Variants in EPHA6 observed in about 807,000 individuals in gnomAD.
The protein encoded by EPHA6 is EPH receptor A6, also known as ephrin type-A receptor 6.
Under a neutral mutation model 112.0 loss-of-function variants are expected in EPHA6, and 50 were observed. The observed-to-expected ratio is 0.45, with a 90% confidence interval of 0.36 to 0.56. The LOEUF (loss-of-function observed/expected upper bound fraction) is 0.56. Among genes scored for constraint, EPHA6 ranks in the 20% least tolerant of loss-of-function variants. The pLI is 0.00. For missense variants in EPHA6, 1,280 were observed against 1,417.4 expected, an observed-to-expected ratio of 0.90 and a Z score of 1.56; for synonymous variants, 529 against 490.7, an observed-to-expected ratio of 1.08 and a Z score of -1.03.
At chr3:97,404,564 A>G (rs1577262291) in intron 5 of EPHA6, among the ~76,000 whole-genome samples, 1 of 152,180 alleles carries the variant, frequency 6.6e-6, no homozygotes, top group East Asian at 1.9e-4. Flanking sequence ...ATATATGGAA[A>G]AGTAAAATAG....
At chr3:97,272,855 G>T (rs925465756) in intron 5 of EPHA6, among the ~76,000 whole-genome samples, 67 of 152,126 alleles carry the variant, frequency 4.4e-4, no homozygotes, top group African/African-American at 1.6e-3. Flanking sequence ...TGGGCTCAGA[G>T]GTCTGACATT....
At chr3:96,978,266 T>G (rs1274250732) in intron 2 of EPHA6, among the ~76,000 whole-genome samples, 1 of 152,150 alleles carries the variant, frequency 6.6e-6, no homozygotes, top group Non-Finnish European at 1.5e-5. Context: ...TTATGTTGAG[T>G]AGGCTGAAGA....
intron 5 of EPHA6, among the ~76,000 whole-genome samples, chr3:97,372,872 C>T (rs1454970346): frequency 2.6e-5 from 4 of 151,998 alleles, no homozygotes; most frequent in South Asian, 2.1e-4. Flanking sequence ...GAATAAAAAA[C>T]GAGATAATTT....
intron 11 of EPHA6, among the ~76,000 whole-genome samples, chr3:97,550,992 TGTCA>T (rs2093021841): frequency 6.6e-6 from 1 of 152,216 alleles, no homozygotes; most frequent in Admixed American, 6.5e-5. Flanking sequence ...CACTTTCTAA[TGTCA>T]GTCACATTTA....
chr3:97,710,763 A>G (rs557204552), intron 14 of EPHA6, among the ~76,000 whole-genome samples: 1 of 152,192 alleles, frequency 6.6e-6, no homozygotes, highest in South Asian at 2.1e-4. Context: ...GTCTCTCTAC[A>G]TTGCATGCTG....
At chr3:97,356,408 A>G (rs946609494) in intron 5 of EPHA6, among the ~76,000 whole-genome samples, 1 of 152,174 alleles carries the variant, frequency 6.6e-6, no homozygotes, top group African/African-American at 2.4e-5. Flanking sequence ...CCTCACCCCC[A>G]TTCCATGGAA....
chr3:97,405,306 ACATATATATG>A (rs746722493), intron 6 of EPHA6, 32 bp downstream of exon 6: 1 of 1,567,378 alleles, frequency 6.4e-7, no homozygotes, highest in African/African-American at 1.4e-5. Context: ...CTATAAAACT[ACATATATATG>A]CATATATATG....
chr3:97,214,759 T>A (rs1333028541), intron 3 of EPHA6, among the ~76,000 whole-genome samples: 1 of 152,184 alleles, frequency 6.6e-6, no homozygotes, highest in Admixed American at 6.5e-5. Context: ...AGACTTGGAT[T>A]TGGTGAATTT....
intron 3 of EPHA6, among the ~76,000 whole-genome samples, chr3:97,036,346 A>G (rs1283874152): frequency 1.3e-5 from 2 of 152,086 alleles, no homozygotes; most frequent in African/African-American, 4.8e-5. Flanking sequence ...GCTTTCAAAG[A>G]TTTCAAAGAA....
chr3:97,079,973 A>C (rs1172518715), intron 3 of EPHA6, among the ~76,000 whole-genome samples: 1 of 151,506 alleles, frequency 6.6e-6, no homozygotes, highest in East Asian at 1.9e-4. Context: ...TTGCACATTT[A>C]ATAGAATGCA....
At chr3:97,619,828 G>C (rs1309498513) in intron 13 of EPHA6, among the ~76,000 whole-genome samples, 1 of 151,956 alleles carries the variant, frequency 6.6e-6, no homozygotes, top group Non-Finnish European at 1.5e-5. Flanking sequence ...TATTGTTAAA[G>C]TGGCCATACT....
intron 5 of EPHA6, among the ~76,000 whole-genome samples, chr3:97,309,013 TAAAAAC>T (rs1167681703): frequency 1.3e-5 from 2 of 151,774 alleles, no homozygotes; most frequent in Non-Finnish European, 2.9e-5. Flanking sequence ...ACAGGAGAAT[TAAAAAC>T]AAAACAACTG....
chr3:97,058,760 C>G (rs1000467230), intron 3 of EPHA6, among the ~76,000 whole-genome samples: 1 of 152,054 alleles, frequency 6.6e-6, no homozygotes, highest in Non-Finnish European at 1.5e-5. Context: ...TATAAAGATC[C>G]GTGAATCAAT....
intron 7 of EPHA6, among the ~76,000 whole-genome samples, chr3:97,468,353 CAGTAT>C (rs1459104580): frequency 6.6e-6 from 1 of 151,436 alleles, no homozygotes; most frequent in Admixed American, 6.6e-5. Flanking sequence ...AGAAAAATAT[CAGTAT>C]AATACTATGT....
At chr3:97,463,064 G>C (rs912637280) in intron 7 of EPHA6, among the ~76,000 whole-genome samples, 1 of 152,046 alleles carries the variant, frequency 6.6e-6, no homozygotes, top group Non-Finnish European at 1.5e-5. Flanking sequence ...TACAAGAATA[G>C]TCCAAATTTC....
chr3:97,420,445 A>T (rs2088524522), intron 6 of EPHA6, among the ~76,000 whole-genome samples: 1 of 152,152 alleles, frequency 6.6e-6, no homozygotes, highest in Non-Finnish European at 1.5e-5. Flanking sequence ...GTGAAAACTT[A>T]CACAAACTAG....
intron 5 of EPHA6, among the ~76,000 whole-genome samples, chr3:97,328,044 C>CATAT (rs2082558602): frequency 5.6e-5 from 3 of 53,530 alleles, no homozygotes; most frequent in African/African-American, 2.8e-4. Flanking sequence ...TATATACACA[C>CATAT]ATATATACAC....
intron 7 of EPHA6, among the ~76,000 whole-genome samples, chr3:97,467,385 G>T (rs763084091): frequency 2.4e-4 from 36 of 151,690 alleles, no homozygotes; most frequent in Admixed American, 4.6e-4. Context: ...GATCCCTAAT[G>T]ATTATCCATT....
At chr3:97,706,871 T>A (rs554265175) in intron 14 of EPHA6, among the ~76,000 whole-genome samples, 1 of 152,120 alleles carries the variant, frequency 6.6e-6, no homozygotes, top group African/African-American at 2.4e-5. Context: ...TATTTATTTA[T>A]TTATTTACAT....
Sources: gnomAD v4.1 joint callset for allele counts (sites outside exome capture counted in the v4.1 genomes callset) on GRCh38, gnomAD v4.1.1 for gene constraint, MANE v1.5 for transcripts, NCBI Gene and HGNC (gene_info 2026-07-23, HGNC 2026-07-21) for gene names.